The following CTNNA3 variants were observed in gnomAD, a reference collection of about 807,000 sequenced individuals.
CTNNA3 encodes catenin alpha-3.
A neutral mutation model predicts 95.7 loss-of-function variants in CTNNA3; 76 were observed. That is an observed-to-expected ratio of 0.79 (90% CI 0.66 to 0.96). The LOEUF is 0.96. CTNNA3 is among the 40% of genes least tolerant of loss of function. The pLI is 0.00. For synonymous variants in CTNNA3, 431 were observed against 374.4 expected, an observed-to-expected ratio of 1.15 and a Z score of -1.74; for missense variants, 1,191 against 1,089.8, an observed-to-expected ratio of 1.09 and a Z score of -1.31.
At chr10:66,435,175 T>C (rs2093328032) in intron 11 of CTNNA3, among the ~76,000 whole-genome samples, 1 of 151,892 alleles carries the variant, frequency 6.6e-6, no homozygotes, top group African/African-American at 2.4e-5. Context: ...TGAGTTATTT[T>C]ATGATAATTT....
chr10:66,347,871 A>ACGAGATAAT (rs2092536632), intron 12 of CTNNA3, among the ~76,000 whole-genome samples: 1 of 152,074 alleles, frequency 6.6e-6, no homozygotes, highest in Non-Finnish European at 1.5e-5. Flanking sequence ...CATGCTCAGG[A>ACGAGATAAT]CGAGATAATC....
intron 11 of CTNNA3, among the ~76,000 whole-genome samples, chr10:66,447,319 A>G (rs1482942927): frequency 6.6e-6 from 1 of 151,574 alleles, no homozygotes; most frequent in Non-Finnish European, 1.5e-5. Flanking sequence ...AATTGGAAAA[A>G]ACTACTTTAA....
At chr10:66,259,055 G>T (rs936594084) in intron 13 of CTNNA3, among the ~76,000 whole-genome samples, 1 of 151,994 alleles carries the variant, frequency 6.6e-6, no homozygotes, top group African/African-American at 2.4e-5. Context: ...TTTATTCCTT[G>T]TTACTCTTCT....
chr10:67,579,904 TG>T (rs1284594109), intron 3 of CTNNA3, among the ~76,000 whole-genome samples: 1 of 152,244 alleles, frequency 6.6e-6, no homozygotes, highest in African/African-American at 2.4e-5. Flanking sequence ...TGGGGTTGTT[TG>T]ATTTTTTCTT....
At chr10:67,313,996 A>G (rs970560040) in intron 5 of CTNNA3, among the ~76,000 whole-genome samples, 3 of 152,208 alleles carry the variant, frequency 2.0e-5, no homozygotes, top group African/African-American at 7.2e-5. Context: ...AAGCCTAGAG[A>G]GAGTGCATAG....
At chr10:65,955,441 A>G (rs1475000738) in intron 17 of CTNNA3, among the ~76,000 whole-genome samples, 1 of 152,168 alleles carries the variant, frequency 6.6e-6, no homozygotes, top group Non-Finnish European at 1.5e-5. Flanking sequence ...AGGAGTGGTG[A>G]GAGAAGGCAT....
intron 12 of CTNNA3, among the ~76,000 whole-genome samples, chr10:66,310,360 T>C (rs961436051): frequency 6.6e-6 from 1 of 152,146 alleles, no homozygotes; most frequent in African/African-American, 2.4e-5. Context: ...TCCGATATCA[T>C]ATGGACAAAG....
intron 1 of CTNNA3, among the ~76,000 whole-genome samples, chr10:67,744,206 G>A (rs2131742384): frequency 1.3e-5 from 2 of 151,300 alleles, no homozygotes; most frequent in Admixed American, 1.3e-4. Flanking sequence ...TCAGTCCTAA[G>A]CCAAAAGAAC....
chr10:67,331,093 T>G (rs1413905384), intron 5 of CTNNA3, among the ~76,000 whole-genome samples: 1 of 152,248 alleles, frequency 6.6e-6, no homozygotes, highest in Non-Finnish European at 1.5e-5. Flanking sequence ...AAGTCTTTAC[T>G]GACAAAAGTG....
intron 3 of CTNNA3, among the ~76,000 whole-genome samples, chr10:67,581,061 G>C (rs936649666): frequency 1.8e-4 from 27 of 152,222 alleles, no homozygotes; most frequent in African/African-American, 5.5e-4. Context: ...TCCTTCTCTT[G>C]CCTGATTGCC....
At chr10:67,639,488 C>A (rs1035693418) in intron 2 of CTNNA3, among the ~76,000 whole-genome samples, 1 of 152,170 alleles carries the variant, frequency 6.6e-6, no homozygotes, top group African/African-American at 2.4e-5. Flanking sequence ...AAGAGGGAAT[C>A]CTCCCTAACT....
chr10:66,381,569 T>A (rs1162126486), intron 11 of CTNNA3, among the ~76,000 whole-genome samples: 1 of 152,146 alleles, frequency 6.6e-6, no homozygotes, highest in Non-Finnish European at 1.5e-5. Flanking sequence ...AATGAATGAA[T>A]GAATGAATGA....
At chr10:67,256,715 G>A (rs1203311984) in intron 5 of CTNNA3, among the ~76,000 whole-genome samples, 1 of 152,046 alleles carries the variant, frequency 6.6e-6, no homozygotes, top group East Asian at 1.9e-4. Flanking sequence ...CACCAGGAAG[G>A]ATAAACAGAA....
intron 12 of CTNNA3, among the ~76,000 whole-genome samples, chr10:66,288,543 C>T (rs993396682): frequency 3.3e-5 from 5 of 152,006 alleles, no homozygotes; most frequent in Admixed American, 1.3e-4. Context: ...ACCAGATATA[C>T]GCTGCTATTT....
At chr10:66,326,268 G>A (rs568630903) in intron 12 of CTNNA3, among the ~76,000 whole-genome samples, 6 of 152,162 alleles carry the variant, frequency 3.9e-5, no homozygotes, top group South Asian at 2.1e-4. Flanking sequence ...TACATGTTAC[G>A]CTTCACTCTT....
At chr10:66,198,957 G>A (rs1417916787) in intron 13 of CTNNA3, among the ~76,000 whole-genome samples, 1 of 152,184 alleles carries the variant, frequency 6.6e-6, no homozygotes, top group African/African-American at 2.4e-5. Context: ...TGATAGAGTA[G>A]TTTTTCAACT....
rs1013391467 is a variant in CTNNA3, at chr10:66,015,909, A to G, written c.2160-27112T>C. On this transcript the variant is annotated intron_variant, in intron 15 of 17. Coordinates refer to ENST00000433211, the MANE Select transcript of CTNNA3 (RefSeq NM_013266.4). Reference sequence around the variant, plus strand: ...TACATATATATGAAAATATGCAGCAATTTAGCAAGTATGATACTAAATATA... The same window carrying G: ...TACATATATATGAAAATATGCAGCAGTTTAGCAAGTATGATACTAAATATA... 5.9e-5 allele frequency among the ~76,000 whole-genome samples: 9 copies of G among 152,322 alleles called. No individual in the cohort carries two copies. In the East Asian group the frequency reaches 1.7e-3, roughly 29 times the overall value.
chr10:66,480,574 A>C lies in CTNNA3; in HGVS notation c.1531+40043T>G, dbSNP rs4463745. Among the ~76,000 whole-genome samples the C allele has an allele frequency of 1.7e-4, 26 of 152,208 alleles. No individual in the cohort carries two copies. In the South Asian group the frequency reaches 5.4e-3, roughly 32 times the overall value. On this transcript the variant is annotated intron_variant, in intron 11 of 17. Coordinates refer to ENST00000433211, the MANE Select transcript of CTNNA3 (RefSeq NM_013266.4). ...TTTACAATGACTCCAATGATATTAC[A>C]TAATTTTCAGATGTTGGCAAAATAA...
intron 5 of CTNNA3, among the ~76,000 whole-genome samples, chr10:67,501,094 G>T (rs531561447): frequency 1.0e-3 from 158 of 152,284 alleles, no homozygotes; most frequent in African/African-American, 3.7e-3. Flanking sequence ...TTTTTGCAGT[G>T]GCTGGTACCA....
Sources: gnomAD v4.1 joint callset for allele counts (sites outside exome capture counted in the v4.1 genomes callset) on GRCh38, gnomAD v4.1.1 for gene constraint, MANE v1.5 for transcripts, NCBI Gene and HGNC (gene_info 2026-07-23, HGNC 2026-07-21) for gene names.